PRKN: variants seen among roughly 807,000 people sequenced by gnomAD.
PRKN encodes the protein E3 ubiquitin-protein ligase parkin.
PRKN carries 56 observed loss-of-function variants against 59.5 expected under a neutral mutation model. The observed-to-expected ratio is 0.94, with a 90% confidence interval of 0.76 to 1.18. The LOEUF (loss-of-function observed/expected upper bound fraction) is 1.18, where lower values mean the gene tolerates loss of function less well. Among genes scored for constraint, PRKN ranks in the 50% most tolerant of loss-of-function variants. The probability of loss-of-function intolerance (pLI) is 0.00; values close to 1 mark genes in which losing one functional copy is unlikely to be tolerated. For missense variants in PRKN, 657 were observed against 596.4 expected (o/e 1.10, Z -1.06); for synonymous variants, 250 against 222.1 (o/e 1.13, Z -1.12).
intron 1 of PRKN, among the ~76,000 whole-genome samples, chr6:162,667,897 T>C (rs980455254): frequency 1.1e-4 from 17 of 152,170 alleles, no homozygotes; most frequent in Admixed American, 8.5e-4. Context: ...TGCAAAGCAG[T>C]TGGAACAGAA....
chr6:161,919,737 C>A (rs1358806669), intron 6 of PRKN, among the ~76,000 whole-genome samples: 2 of 152,068 alleles, frequency 1.3e-5, no homozygotes, highest in African/African-American at 4.8e-5. Flanking sequence ...AGCAAATGCT[C>A]ACAGTGAAAA....
chr6:161,642,359 C>G (rs917629698), intron 7 of PRKN, among the ~76,000 whole-genome samples: 2 of 152,092 alleles, frequency 1.3e-5, no homozygotes, highest in Admixed American at 6.5e-5. Context: ...ATATTTGATG[C>G]CTTGCTTATT....
intron 2 of PRKN, among the ~76,000 whole-genome samples, chr6:162,335,655 G>A (rs1043920935): frequency 6.6e-6 from 1 of 152,104 alleles, no homozygotes; most frequent in African/African-American, 2.4e-5. Flanking sequence ...CTTTTTGAAT[G>A]TAATAAACTT....
chr6:162,232,581 T>A lies in PRKN; in HGVS notation c.412+29944A>T, dbSNP rs905640359. On this transcript the variant is annotated intron_variant, in intron 3 of 11. Coordinates refer to ENST00000366898, the MANE Select transcript of PRKN (RefSeq NM_004562.3). ...AATGGAGCAGCCGCTTGGTATGAAA[T>A]CATTGATTTGCCTCAAGGTTGAGAT... Among the ~76,000 whole-genome samples, 13 of 152,308 alleles carry A rather than the reference T, an allele frequency of 8.5e-5. No homozygotes were observed. In the East Asian group the frequency reaches 1.4e-3, roughly 16 times the overall value.
At chr6:162,042,509 A>C (rs1784105635) in intron 5 of PRKN, among the ~76,000 whole-genome samples, 1 of 151,916 alleles carries the variant, frequency 6.6e-6, no homozygotes, top group Non-Finnish European at 1.5e-5. Context: ...GGCTGGTCTC[A>C]AACTCCTGGG....
chr6:161,732,348 AACTAACAGGT>A (rs777325357), intron 7 of PRKN, among the ~76,000 whole-genome samples: 26 of 151,922 alleles, frequency 1.7e-4, no homozygotes, highest in Admixed American at 5.2e-4. Context: ...CAGCCTCCTA[AACTAACAGGT>A]ACTTTTTCTG....
intron 9 of PRKN, among the ~76,000 whole-genome samples, chr6:161,537,140 T>C (rs1779443673): frequency 6.6e-6 from 1 of 152,244 alleles, no homozygotes; most frequent in African/African-American, 2.4e-5. Flanking sequence ...GATTTCTTTC[T>C]TTCCAAATAG....
intron 7 of PRKN, among the ~76,000 whole-genome samples, chr6:161,694,748 A>G (rs1354536676): frequency 6.6e-6 from 1 of 152,100 alleles, no homozygotes; most frequent in Admixed American, 6.6e-5. Context: ...TGGGTGACAG[A>G]CTCCCTGTTT....
At chr6:161,791,403 T>C (rs1011284530) in intron 6 of PRKN, among the ~76,000 whole-genome samples, 2 of 152,340 alleles carry the variant, frequency 1.3e-5, no homozygotes, top group South Asian at 4.1e-4. Context: ...TCTACAAAAA[T>C]AGCATGCGAG....
rs187552405 is a variant in PRKN, at chr6:161,548,468, G to A, written c.1083+386C>T. ...CTCAGGCAAACAATGTCACTAAGACGTCACTGATGGAGAATTCTTTCTCCT... is the reference window on the plus strand; with the variant it reads ...CTCAGGCAAACAATGTCACTAAGACATCACTGATGGAGAATTCTTTCTCCT... On this transcript the variant is annotated intron_variant, in intron 9 of 11. Coordinates refer to ENST00000366898, the MANE Select transcript of PRKN (RefSeq NM_004562.3). The surrounding 1 kb of genome is among the most constrained non-coding windows in gnomAD (Gnocchi z 4.2). Among the ~76,000 whole-genome samples, 49 of 152,190 alleles carry A rather than the reference G, an allele frequency of 3.2e-4. No individual in the cohort carries two copies. Among genetic ancestry groups the A allele is most frequent in the Admixed American group, 5.9e-4 (9 of 15,276 alleles).
chr6:161,662,831 C>T (rs189965814), intron 7 of PRKN, among the ~76,000 whole-genome samples: 4 of 152,114 alleles, frequency 2.6e-5, no homozygotes, highest in African/African-American at 9.7e-5. Flanking sequence ...ATGAGGATAT[C>T]TGTGGTGAAA....
intron 1 of PRKN, among the ~76,000 whole-genome samples, chr6:162,628,640 T>A (rs1405420916): frequency 6.6e-6 from 1 of 152,072 alleles, no homozygotes; most frequent in African/African-American, 2.4e-5. Flanking sequence ...AATGAGAAAG[T>A]GATTCTTGGC....
chr6:162,233,837 C>T (rs956620139), intron 3 of PRKN, among the ~76,000 whole-genome samples: 1 of 152,182 alleles, frequency 6.6e-6, no homozygotes, highest in African/African-American at 2.4e-5. Context: ...TACGAATGGA[C>T]ATGCATGCTC....
chr6:162,669,420 G>C (rs1177651905), intron 1 of PRKN, among the ~76,000 whole-genome samples: 1 of 152,102 alleles, frequency 6.6e-6, no homozygotes, highest in African/African-American at 2.4e-5. Flanking sequence ...GATCTGGATG[G>C]TAAGCTAAAC....
chr6:161,935,216 G>T (rs1779310638), intron 6 of PRKN, among the ~76,000 whole-genome samples: 1 of 152,052 alleles, frequency 6.6e-6, no homozygotes, highest in Non-Finnish European at 1.5e-5. Context: ...ATACTAATTT[G>T]TTACAATGTG....
chr6:162,611,991 C>G (rs889817119), intron 1 of PRKN, among the ~76,000 whole-genome samples: 7 of 151,246 alleles, frequency 4.6e-5, no homozygotes, highest in African/African-American at 9.7e-5. Flanking sequence ...CGAGACCATC[C>G]TGGCTAACAC....
At chr6:162,496,758 T>A (rs1793082354) in intron 1 of PRKN, among the ~76,000 whole-genome samples, 1 of 152,216 alleles carries the variant, frequency 6.6e-6, no homozygotes, top group African/African-American at 2.4e-5. Flanking sequence ...TTAGACATAA[T>A]AAGTGCCTAG....
intron 7 of PRKN, among the ~76,000 whole-genome samples, chr6:161,586,328 G>C (rs1781519814): frequency 6.6e-6 from 1 of 152,102 alleles, no homozygotes; most frequent in African/African-American, 2.4e-5. Context: ...TGCACCTTTG[G>C]TTTTGTCACT....
intron 7 of PRKN, among the ~76,000 whole-genome samples, chr6:161,771,149 G>A (rs943542273): frequency 3.9e-5 from 6 of 151,944 alleles, no homozygotes; most frequent in Non-Finnish European, 8.8e-5. Context: ...GAGGTCAGGA[G>A]ATCGAGACCA....
Sources: allele counts gnomAD v4.1 joint callset (sites outside exome capture counted in the v4.1 genomes callset), GRCh38; gene constraint gnomAD v4.1.1; non-coding constraint Gnocchi (gnomAD v3.1); transcripts MANE v1.5; gene names NCBI Gene and HGNC (gene_info 2026-07-23, HGNC 2026-07-21).